RALYL: variants seen among roughly 807,000 people sequenced by gnomAD.
RALYL encodes RNA-binding Raly-like protein.
Under a neutral mutation model 35.1 loss-of-function variants are expected in RALYL, and 29 were observed. That is an observed-to-expected ratio of 0.83 (90% CI 0.61 to 1.13). The LOEUF (loss-of-function observed/expected upper bound fraction) is 1.13. Among genes scored for constraint, RALYL ranks in the 50% most tolerant of loss-of-function variants. The pLI, the probability that RALYL is intolerant of heterozygous loss-of-function variation, is 0.00. For synonymous variants in RALYL, 120 were observed against 127.6 expected, an observed-to-expected ratio of 0.94 and a Z score of 0.40; for missense variants, 359 against 360.4, an observed-to-expected ratio of 1.00 and a Z score of 0.03.
In RALYL at chr8:84,897,740, C is replaced by T. The variant is rs565684100; in HGVS notation, c.858+9964C>T. Among the ~76,000 whole-genome samples, 30 of 152,092 alleles carry T rather than the reference C, an allele frequency of 2.0e-4. No individual in the cohort carries two copies. The East Asian group carries it at 4.2e-3, about 22-fold the overall frequency. ...GACACTTATTCATTAAAATAACAAC[C>T]GAAAGAATTTTTAATTAAATAATGG... is the stretch of plus-strand genomic sequence containing the variant. On this transcript the variant is annotated intron_variant, in intron 8 of 8. Coordinates refer to ENST00000521268, the MANE Select transcript of RALYL (RefSeq NM_173848.7).
chr8:84,270,635 A>G (rs1047800669), intron 1 of RALYL, among the ~76,000 whole-genome samples: 5 of 151,782 alleles, frequency 3.3e-5, no homozygotes, highest in African/African-American at 1.2e-4. Context: ...TACACAGTGT[A>G]CTGTCCTAAG....
Position 84,357,955 on chromosome 8 carries a change from A to C in RALYL, c.-23-171344A>C, listed in dbSNP as rs569269086. ...ACATTTCCTTTGCTCCATGATGGAAATAAGTATTTTTCTTTATGATGTGGT... is the reference window on the plus strand; with the variant it reads ...ACATTTCCTTTGCTCCATGATGGAACTAAGTATTTTTCTTTATGATGTGGT... On this transcript the variant is annotated intron_variant, in intron 1 of 8. Coordinates refer to ENST00000521268, the MANE Select transcript of RALYL (RefSeq NM_173848.7). Among the ~76,000 whole-genome samples, 5 of 151,814 alleles carry C rather than the reference A, an allele frequency of 3.3e-5. No individual in the cohort carries two copies. The East Asian group carries it at 9.7e-4, about 29-fold the overall frequency.
At chr8:84,220,088 A>C (rs989737488) in intron 1 of RALYL, among the ~76,000 whole-genome samples, 5 of 152,020 alleles carry the variant, frequency 3.3e-5, no homozygotes, top group Non-Finnish European at 7.4e-5. Context: ...GAGTTGCGTA[A>C]TTTGGATATG....
chr8:84,426,969 C>A (rs553614216), intron 1 of RALYL, among the ~76,000 whole-genome samples: 2 of 152,074 alleles, frequency 1.3e-5, no homozygotes, highest in Non-Finnish European at 2.9e-5. Context: ...AATGAAATCA[C>A]CACCTCATAA....
At chr8:84,586,899 TA>T (rs991783310) in intron 2 of RALYL, among the ~76,000 whole-genome samples, 2 of 152,196 alleles carry the variant, frequency 1.3e-5, no homozygotes, top group Admixed American at 6.5e-5. Flanking sequence ...ACATCACTGT[TA>T]GAAAATGACT....
chr8:84,618,944 C>G lies in RALYL; in HGVS notation c.256+89367C>G, dbSNP rs368105617. Among the ~76,000 whole-genome samples the G allele has an allele frequency of 2.4e-4, 32 of 131,408 alleles. No homozygotes were observed. The East Asian group carries it at 6.5e-3, about 27-fold the overall frequency. The allele number at this position is 131,408 out of a possible 152,430, so 86.2% of individuals were successfully genotyped here. On this transcript the variant is annotated intron_variant, in intron 2 of 8. Coordinates refer to ENST00000521268, the MANE Select transcript of RALYL (RefSeq NM_173848.7). ...AATCCTGAGTTCTAGTTTGATTGCACTGTGGTCTGAGAGATAGTTTGTTAT... is the reference window on the plus strand; with the variant it reads ...AATCCTGAGTTCTAGTTTGATTGCAGTGTGGTCTGAGAGATAGTTTGTTAT...
chr8:84,437,889 C>A (rs577211456), intron 1 of RALYL, among the ~76,000 whole-genome samples: 1 of 152,258 alleles, frequency 6.6e-6, no homozygotes, highest in East Asian at 1.9e-4. Context: ...CCCTAGAAAC[C>A]AAGCAGATGC....
chr8:84,464,742 T>TTTG (rs1276103147), intron 1 of RALYL, among the ~76,000 whole-genome samples: 19 of 151,918 alleles, frequency 1.3e-4, no homozygotes, highest in African/African-American at 4.1e-4. Context: ...GTTGAACTAG[T>TTTG]TTACAGTCCC....
chr8:84,576,108 C>A (rs563841799), intron 2 of RALYL, among the ~76,000 whole-genome samples: 1 of 151,932 alleles, frequency 6.6e-6, no homozygotes, highest in Non-Finnish European at 1.5e-5. Context: ...CATATTTGAC[C>A]ACAAAATAAA....
In RALYL at chr8:84,561,659, T is replaced by C. The variant is rs191995243; in HGVS notation, c.256+32082T>C. 3.3e-5 allele frequency among the ~76,000 whole-genome samples: 5 copies of C among 151,858 alleles called. No homozygotes were observed. The East Asian group carries it at 9.7e-4, about 29-fold the overall frequency. On this transcript the variant is annotated intron_variant, in intron 2 of 8. Transcript: ENST00000521268. ...GGGCCATTATTCAGCAAAATAAGGGTTACTTGAATACAGCCACTGCAATAG... is the reference window on the plus strand; with the variant it reads ...GGGCCATTATTCAGCAAAATAAGGGCTACTTGAATACAGCCACTGCAATAG...
At chr8:84,842,017 A>C (rs1284640919) in intron 4 of RALYL, among the ~76,000 whole-genome samples, 5 of 152,218 alleles carry the variant, frequency 3.3e-5, no homozygotes, top group Non-Finnish European at 7.3e-5. Flanking sequence ...AGAAAGCAGG[A>C]AAGATCTAAA....
Position 84,323,260 on chromosome 8 carries a change from A to T in RALYL, c.-24+138836A>T, listed in dbSNP as rs185907043. 2.1e-3 allele frequency among the ~76,000 whole-genome samples: 325 copies of T among 152,164 alleles called. 1 individual carries two copies. Among genetic ancestry groups the T allele is most frequent in the Non-Finnish European group, 2.7e-3 (184 of 67,952 alleles). On this transcript the variant is annotated intron_variant, in intron 1 of 8. Transcript: ENST00000521268. ...CTCAAGTTTTAGGAAAAGCTCATAAATATATTGCATATAAAATTAAGTATA... is the reference window on the plus strand; with the variant it reads ...CTCAAGTTTTAGGAAAAGCTCATAATTATATTGCATATAAAATTAAGTATA...
At chr8:84,481,849 T>C (rs540920381) in intron 1 of RALYL, among the ~76,000 whole-genome samples, 39 of 152,252 alleles carry the variant, frequency 2.6e-4, no homozygotes, top group African/African-American at 8.7e-4. Flanking sequence ...CAAGAAAATA[T>C]TCTCAGTGGT....
At chr8:84,288,555 G>A (rs1413116327) in intron 1 of RALYL, among the ~76,000 whole-genome samples, 1 of 152,054 alleles carries the variant, frequency 6.6e-6, no homozygotes, top group African/African-American at 2.4e-5. Flanking sequence ...TGCATTTTTA[G>A]TTGCATCTTT....
At chr8:84,797,424 A>C (rs893905566) in intron 3 of RALYL, among the ~76,000 whole-genome samples, 2 of 152,158 alleles carry the variant, frequency 1.3e-5, no homozygotes, top group African/African-American at 4.8e-5. Flanking sequence ...CTGTTGTCAA[A>C]ATTCCATGTG....
chr8:84,732,888 G>A (rs533057908), intron 2 of RALYL, among the ~76,000 whole-genome samples: 1 of 151,492 alleles, frequency 6.6e-6, no homozygotes, highest in African/African-American at 2.4e-5. Context: ...GTAGAGATGG[G>A]GTTTCACCAT....
chr8:84,840,879 T>G (rs1308177025), intron 4 of RALYL, among the ~76,000 whole-genome samples: 1 of 152,052 alleles, frequency 6.6e-6, no homozygotes, highest in East Asian at 1.9e-4. Flanking sequence ...GCTTCATAAG[T>G]GAAGGAGAAA....
At chr8:84,442,271 G>A (rs1400740527) in intron 1 of RALYL, among the ~76,000 whole-genome samples, 1 of 151,956 alleles carries the variant, frequency 6.6e-6, no homozygotes. Context: ...AAATTTAAAT[G>A]GTAACAAACT....
intron 2 of RALYL, among the ~76,000 whole-genome samples, chr8:84,656,732 C>G (rs891655709): frequency 6.6e-6 from 1 of 151,878 alleles, no homozygotes. Flanking sequence ...AAAGTTAAAG[C>G]ATTATCTACC....
Sources: allele counts gnomAD v4.1 joint callset (sites outside exome capture counted in the v4.1 genomes callset), GRCh38; gene constraint gnomAD v4.1.1; transcripts MANE v1.5; gene names NCBI Gene and HGNC (gene_info 2026-07-23, HGNC 2026-07-21).